The following ASAH2 variants were observed in gnomAD, a reference collection of about 807,000 sequenced individuals.
ASAH2 encodes the protein neutral ceramidase.
In ASAH2, 58 loss-of-function variants were observed where a neutral mutation model predicts 82.9. The ratio of observed to expected loss-of-function variants is 0.70; its 90% CI spans 0.57 to 0.87. The LOEUF is 0.87. Ranked by LOEUF, ASAH2 falls within the 40% of genes least tolerant of loss-of-function variation. The pLI is 0.00. For synonymous variants in ASAH2, 276 were observed against 289.7 expected (o/e 0.95, Z 0.48); for missense variants, 779 against 834.0 (o/e 0.93, Z 0.81).
intron 18 of ASAH2, among the ~76,000 whole-genome samples, chr10:50,193,723 A>T (rs1844902382): frequency 6.6e-6 from 1 of 151,698 alleles, no homozygotes; most frequent in Admixed American, 6.6e-5. Flanking sequence ...TAGGTAATGC[A>T]ATAGGTAAAA....
intron 14 of ASAH2, among the ~76,000 whole-genome samples, chr10:50,204,407 C>G (rs891115279): frequency 2.6e-5 from 4 of 151,692 alleles, no homozygotes; most frequent in African/African-American, 2.4e-5. Context: ...GAGGAAGAAA[C>G]AGAAAAAGAG....
At chr10:50,203,603 A>G in intron 15 of ASAH2, 37 bp downstream of exon 15, 2 of 1,216,986 alleles carry the variant, frequency 1.6e-6, no homozygotes, top group South Asian at 1.2e-5. Flanking sequence ...TTCACCAAAC[A>G]TGAACATGTA....
chr10:50,211,213 T>G, intron 10 of ASAH2, 79 bp from the exon 11 acceptor site: 1 of 1,082,208 alleles, frequency 9.2e-7, no homozygotes, highest in Non-Finnish European at 1.4e-6. Context: ...AAGTACCAAT[T>G]TGATGCAATT....
rs1454932899 is a variant in ASAH2, at chr10:50,185,966, GTTAAC to G, written c.*1344_*1348del. The stretch of plus-strand genomic sequence containing the variant: ...TTGCTTTGCAGTCTGGGAGGTTGTA[GTTAAC>G]TTAAAGAATTTTAAATGCAATTAGT... On this transcript the variant is annotated 3_prime_UTR_variant, in exon 21 of 21. Transcript: ENST00000682911. 4 of 149,440 alleles carry G rather than the reference GTTAAC, an allele frequency of 2.7e-5. No homozygotes were observed. Among genetic ancestry groups the G allele is most frequent in the Admixed American group, 6.6e-5 (1 of 15,076 alleles). The allele number at this position is 149,440 out of a possible 1,614,324, so 9.3% of individuals were successfully genotyped here.
In ASAH2 at chr10:50,187,149, CACACACA is replaced by C; in HGVS notation, c.*159_*165del. On this transcript the variant is annotated 3_prime_UTR_variant, in exon 21 of 21. Coordinates refer to ENST00000682911, the MANE Select transcript of ASAH2 (RefSeq NM_019893.4). ...ACACACACACACACACACACACACA[CACACACA>C]CACACACCCCTCCACCCCATTAGCA... is the stretch of plus-strand genomic sequence containing the variant. 1 of 375,120 alleles carries C rather than the reference CACACACA, an allele frequency of 2.7e-6. No individual in the cohort carries two copies. The allele number at this position is 375,120 out of a possible 1,614,324, so 23.2% of individuals were successfully genotyped here. A position where few individuals can be genotyped will look rare whatever the true frequency, so the allele number is the denominator to read the frequency against.
rs1489243440 is a variant in ASAH2 at position 50,185,562 on chromosome 10, T to C, written c.*1753A>G. The C allele has an allele frequency of 2.3e-4, 12 of 51,816 alleles. 2 individuals are homozygous for C. The highest frequency in any genetic ancestry group is 6.4e-4 in the African/African-American group (12 of 18,880). The allele number at this position is 51,816 out of a possible 1,614,324, so 3.2% of individuals were successfully genotyped here. ...TAAAAAACCATATCATAAGTTCTAA[T>C]ATAATTTTCTTGTCTGGAATCAGCT... On this transcript the variant is annotated 3_prime_UTR_variant, in exon 21 of 21. Transcript: ENST00000682911.
In ASAH2 at chr10:50,199,163, G is replaced by A. The variant is rs1845075228; in HGVS notation, c.1762-17C>T. The A allele has an allele frequency of 1.2e-5, 19 of 1,612,540 alleles. No individual in the cohort carries two copies. The highest frequency in any genetic ancestry group is 1.6e-5 in the Non-Finnish European group (19 of 1,178,952). On this transcript the variant is annotated splice_polypyrimidine_tract_variant and intron_variant, in intron 16 of 20. Coordinates refer to ENST00000682911, the MANE Select transcript of ASAH2 (RefSeq NM_019893.4). ...TCGCTGAGCCTGCAGGAAAGGCAGGGAGAGTTGTATATGGTTCTGCTTATT... is the reference window on the plus strand; with the variant it reads ...TCGCTGAGCCTGCAGGAAAGGCAGGAAGAGTTGTATATGGTTCTGCTTATT...
chr10:50,214,936 A>G (rs1845555938), intron 8 of ASAH2, 68 bp from the exon 9 acceptor site: 1 of 1,585,982 alleles, frequency 6.3e-7, no homozygotes, highest in Non-Finnish European at 8.6e-7. Flanking sequence ...CATTAGAAAT[A>G]CAAACATTAA....
At chr10:50,234,313 T>C in intron 6 of ASAH2, 112 bp downstream of exon 6, 5 of 1,450,012 alleles carry the variant, frequency 3.4e-6, no homozygotes, top group Non-Finnish European at 4.8e-6. Flanking sequence ...ATCATAGCTG[T>C]AATACTCTCT....
rs773211984 is a variant in ASAH2, at chr10:50,243,343, A to G, written c.369T>C (p.Tyr123=). The G allele has an allele frequency of 1.9e-5, 30 of 1,613,958 alleles. 1 individual carries two copies. The South Asian group carries it at 3.0e-4, about 16-fold the overall frequency. ...GQVADINLMG[Y]GKSGQNAQGI... The stretch of plus-strand genomic sequence containing the variant: ...CCTGTGCATTCTGGCCGGATTTGCC[A>G]TAGCCCATCTAAAGAGGAAGAGACA... Residue 123 remains tyrosine, a synonymous_variant, in exon 4 of 21, where the codon TAT becomes TAC. Coordinates refer to ENST00000682911, the MANE Select transcript of ASAH2 (RefSeq NM_019893.4).
intron 7 of ASAH2, among the ~76,000 whole-genome samples, chr10:50,230,182 T>C (rs1845987582): frequency 1.3e-5 from 2 of 152,192 alleles, no homozygotes; most frequent in South Asian, 2.1e-4. Flanking sequence ...AGTAGGTCCC[T>C]AGTGCAGACT....
intron 16 of ASAH2, 150 bp from the exon 17 acceptor site, chr10:50,199,296 G>A (rs1371964084): frequency 1.4e-5 from 11 of 780,234 alleles, no homozygotes; most frequent in Non-Finnish European, 2.4e-5. Flanking sequence ...AAAGAGGATG[G>A]GCATTTCCAT....
Position 50,213,027 on chromosome 10 carries a change from T to C in ASAH2, c.1172A>G (p.Gln391Arg). 1 of 1,613,824 alleles carries C rather than the reference T, an allele frequency of 6.2e-7. No individual in the cohort carries two copies. The highest frequency in any genetic ancestry group is 8.5e-7 in the Non-Finnish European group (1 of 1,179,722). ...PSMCIAKGPG[Q>R]DMFDSTQIIG... Reference sequence around the variant, plus strand: ...AATTTGTGTGCTGTCAAACATATCCTGTCCAGGTCCCTTAGCAATGCACAT... The same window carrying C: ...AATTTGTGTGCTGTCAAACATATCCCGTCCAGGTCCCTTAGCAATGCACAT... Residue 391 changes from glutamine to arginine, a missense_variant, in exon 10 of 21, where the codon CAG becomes CGG. Gln to Arg is a conservative substitution (Grantham distance 43). This residue lies in a region of ASAH2 where 759 missense variants were observed against 755.2 expected (regional missense o/e 1.00). Transcript: ENST00000682911.
Position 50,248,623 on chromosome 10 carries a change from A to G in ASAH2, c.-13T>C, listed in dbSNP as rs1200544995. ...TGCGTTTGGCCATTTCTTCTCAGGT[A>G]CAGCAGAGATGGAAGAAGAAATACT... is the stretch of plus-strand genomic sequence containing the variant. On this transcript the variant is annotated 5_prime_UTR_variant, in exon 2 of 21. Transcript: ENST00000682911. 2 of 1,610,342 alleles carry G rather than the reference A, an allele frequency of 1.2e-6. No individual in the cohort carries two copies. The highest frequency in any genetic ancestry group is 3.4e-5 in the Admixed American group (2 of 59,354).
At chr10:50,203,494 G>C (rs1198301700) in intron 15 of ASAH2, 146 bp downstream of exon 15, 9 of 792,452 alleles carry the variant, frequency 1.1e-5, no homozygotes, top group Middle Eastern at 2.8e-4. Context: ...TTTAAGTCTG[G>C]TTCTTATACT....
intron 5 of ASAH2, 51 bp downstream of exon 5, chr10:50,235,837 A>AT: frequency 6.3e-7 from 1 of 1,584,218 alleles, no homozygotes. Context: ...CACTCCTAAA[A>AT]TACCTGTAAG....
chr10:50,203,096 C>T lies in ASAH2; in HGVS notation c.1666-172G>A, dbSNP rs1053302124. Among the ~76,000 whole-genome samples, 1,000 of 152,052 alleles carry T rather than the reference C, an allele frequency of 6.6e-3. 13 individuals are homozygous for T. Among genetic ancestry groups the T allele is most frequent in the African/African-American group, 0.023 (954 of 41,526 alleles). On this transcript the variant is annotated intron_variant, in intron 15 of 20. Transcript: ENST00000682911. ...GGACAAGTCAATGGATCTACAAATA[C>T]CTTGATGATCACAGTTGCAGATGTA... is the stretch of plus-strand genomic sequence containing the variant.
At chr10:50,247,988 C>T (rs1266606455) in intron 2 of ASAH2, among the ~76,000 whole-genome samples, 1 of 152,196 alleles carries the variant, frequency 6.6e-6, no homozygotes, top group Non-Finnish European at 1.5e-5. Context: ...CTGTCTCCTC[C>T]TTGGTCCACC....
chr10:50,230,542 C>A (rs1334884179), intron 7 of ASAH2, among the ~76,000 whole-genome samples: 2 of 152,018 alleles, frequency 1.3e-5, no homozygotes, highest in East Asian at 3.9e-4. Flanking sequence ...ATTGCAGGAG[C>A]AATTACATCA....
Sources: gnomAD v4.1 joint callset for allele counts (sites outside exome capture counted in the v4.1 genomes callset) on GRCh38, gnomAD v4.1.1 for gene constraint, gnomAD v4.1.1 regional missense constraint, MANE v1.5 for transcripts, NCBI Gene and HGNC (gene_info 2026-07-23, HGNC 2026-07-21) for gene names.